MSI2: variants seen among roughly 807,000 people sequenced by gnomAD.
MSI2 encodes musashi RNA binding protein 2.
In MSI2, 17 loss-of-function variants were observed where a neutral mutation model predicts 45.6. The observed-to-expected ratio is 0.37, with a 90% CI of 0.26 to 0.56. MSI2 has a LOEUF of 0.56. Among genes scored for constraint, MSI2 ranks in the 20% least tolerant of loss-of-function variants. MSI2 has a pLI of 0.77. For synonymous variants in MSI2, 156 were observed against 158.2 expected, an observed-to-expected ratio of 0.99 and a Z score of 0.11; for missense variants, 293 against 444.2, an observed-to-expected ratio of 0.66 and a Z score of 3.06.
chr17:57,694,815 C>T, the MSI2 span, among the ~76,000 whole-genome samples: 1 of 152,164 alleles, frequency 6.6e-6, no homozygotes, highest in East Asian at 1.9e-4. Flanking sequence ...TAACTGCAGT[C>T]CCAGACCTCT....
intron 5 of MSI2, among the ~76,000 whole-genome samples, chr17:57,292,367 C>T (rs1212128130): frequency 6.6e-6 from 1 of 152,042 alleles, no homozygotes; most frequent in Non-Finnish European, 1.5e-5. Flanking sequence ...TGGGGGAGAC[C>T]AGGGAGCTAA....
chr17:57,369,975 G>A (rs1361442879), intron 5 of MSI2, among the ~76,000 whole-genome samples: 1 of 152,178 alleles, frequency 6.6e-6, no homozygotes, highest in African/African-American at 2.4e-5. Context: ...AGAATAAAGG[G>A]CACAGGGATA....
At chr17:57,540,574 G>A (rs1438846069) in intron 7 of MSI2, among the ~76,000 whole-genome samples, 1 of 152,210 alleles carries the variant, frequency 6.6e-6, no homozygotes, top group Non-Finnish European at 1.5e-5. Context: ...GGAGGTCTTA[G>A]TGGAGTGAAC....
intron 6 of MSI2, among the ~76,000 whole-genome samples, chr17:57,441,862 G>A (rs1322542454): frequency 1.3e-5 from 2 of 152,080 alleles, no homozygotes; most frequent in African/African-American, 4.8e-5. Flanking sequence ...ATGCCTGCAG[G>A]GGTTTCTTTC....
At chr17:57,564,541 A>G (rs920636823) in intron 7 of MSI2, among the ~76,000 whole-genome samples, 2 of 152,160 alleles carry the variant, frequency 1.3e-5, no homozygotes, top group African/African-American at 4.8e-5. Context: ...ATGGCTACTC[A>G]AAGTCAGTAT....
At chr17:57,520,044 A>G (rs748918707) in intron 6 of MSI2, among the ~76,000 whole-genome samples, 1 of 152,220 alleles carries the variant, frequency 6.6e-6, no homozygotes, top group Non-Finnish European at 1.5e-5. Flanking sequence ...AATAAAAAAT[A>G]AAAATTTTTA....
In MSI2 at chr17:57,408,185, C is replaced by T. The variant is rs28758812; in HGVS notation, c.405+6714C>T. Among the ~76,000 whole-genome samples, 713 of 152,268 alleles carry T rather than the reference C, an allele frequency of 4.7e-3. 3 individuals carry two copies. Among genetic ancestry groups the T allele is most frequent in the African/African-American group, 0.017 (692 of 41,536 alleles). On this transcript the variant is annotated intron_variant, in intron 6 of 13. Coordinates refer to ENST00000284073, the MANE Select transcript of MSI2 (RefSeq NM_138962.4). ...CCTAACGTTACTTCTCTTAAATTTT[C>T]GTATTTTTGCTTCAAAAAGGAGATT...
intron 6 of MSI2, among the ~76,000 whole-genome samples, chr17:57,510,209 G>A (rs1274327805): frequency 6.6e-6 from 1 of 151,968 alleles, no homozygotes; most frequent in East Asian, 1.9e-4. Flanking sequence ...TTTGGGGGCT[G>A]GTATGGATGG....
intron 6 of MSI2, 121 bp downstream of exon 6, chr17:57,401,592 T>C (rs2083992329): frequency 2.8e-6 from 2 of 714,952 alleles, no homozygotes; most frequent in Admixed American, 2.5e-5. Flanking sequence ...TCCTTGAACC[T>C]GGCCATCATG....
chr17:57,617,335 GT>G (rs1907816805), intron 9 of MSI2, among the ~76,000 whole-genome samples: 1 of 152,174 alleles, frequency 6.6e-6, no homozygotes, highest in Admixed American at 6.5e-5. Context: ...GAAGAAACAA[GT>G]GAGAATAAAT....
chr17:57,642,598 G>C lies in MSI2; in HGVS notation c.728-9501G>C, dbSNP rs765138812. ...TTGTCTCTCCTTGGGCAGTTGATCT[G>C]TGTGCAGCCTGTCCTGGGACCCCAG... On this transcript the variant is annotated intron_variant, in intron 10 of 13. Coordinates refer to ENST00000284073, the MANE Select transcript of MSI2 (RefSeq NM_138962.4). 3.9e-5 allele frequency among the ~76,000 whole-genome samples: 6 copies of C among 152,314 alleles called. No individual in the cohort carries two copies. The East Asian group carries it at 1.2e-3, about 29-fold the overall frequency.
intron 7 of MSI2, among the ~76,000 whole-genome samples, chr17:57,559,180 GAAGCACAAAGT>G (rs2144234323): frequency 6.6e-6 from 1 of 152,338 alleles, no homozygotes; most frequent in Admixed American, 6.5e-5. Context: ...GACATCAACA[GAAGCACAAAGT>G]GAGATGGAAC....
intron 5 of MSI2, among the ~76,000 whole-genome samples, chr17:57,379,641 C>G (rs1002934886): frequency 5.3e-5 from 8 of 152,154 alleles, no homozygotes; most frequent in African/African-American, 1.9e-4. Flanking sequence ...ACCACAGTCC[C>G]CTCTTGAAAC....
chr17:57,309,589 A>G (rs1033294707), intron 5 of MSI2, among the ~76,000 whole-genome samples: 3 of 152,240 alleles, frequency 2.0e-5, no homozygotes, highest in Admixed American at 2.0e-4. Context: ...AGTGCATGCA[A>G]TAAATATTGG....
At chr17:57,694,822 C>A in the MSI2 span, among the ~76,000 whole-genome samples, 228 of 152,302 alleles carry the variant, frequency 1.5e-3, no homozygotes, top group African/African-American at 5.3e-3. Flanking sequence ...AGTCCCAGAC[C>A]TCTGGTTGCT....
At chr17:57,459,604 G>T (rs536237737) in intron 6 of MSI2, among the ~76,000 whole-genome samples, 1 of 152,338 alleles carries the variant, frequency 6.6e-6, no homozygotes, top group Admixed American at 6.5e-5. Context: ...TCAGGCACCA[G>T]TTGCATCTGA....
chr17:57,602,925 T>TA (rs1906069378), intron 8 of MSI2, among the ~76,000 whole-genome samples: 1 of 152,178 alleles, frequency 6.6e-6, no homozygotes, highest in African/African-American at 2.4e-5. Context: ...GCGTGCACAT[T>TA]AAAGTCTGAG....
At chr17:57,378,241 T>C (rs1217403956) in intron 5 of MSI2, among the ~76,000 whole-genome samples, 2 of 152,018 alleles carry the variant, frequency 1.3e-5, no homozygotes, top group Non-Finnish European at 1.5e-5. Context: ...TGTACCTCCA[T>C]GTCCGGCTAA....
intron 6 of MSI2, among the ~76,000 whole-genome samples, chr17:57,524,766 C>A (rs1053195752): frequency 1.3e-5 from 2 of 152,214 alleles, no homozygotes; most frequent in Non-Finnish European, 2.9e-5. Flanking sequence ...GGAGAACTTG[C>A]CACACTGAAG....
Sources: allele counts gnomAD v4.1 joint callset (sites outside exome capture counted in the v4.1 genomes callset), GRCh38; gene constraint gnomAD v4.1.1; transcripts MANE v1.5; gene names NCBI Gene and HGNC (gene_info 2026-07-23, HGNC 2026-07-21).